Variants in STXBP4 observed in about 807,000 individuals in gnomAD.
The protein encoded by STXBP4 is syntaxin-binding protein 4.
A neutral mutation model predicts 76.1 loss-of-function variants in STXBP4; 55 were observed. The ratio of observed to expected loss-of-function variants is 0.72; its 90% CI spans 0.58 to 0.91. The LOEUF is 0.91. STXBP4 is among the 40% of genes least tolerant of loss of function. The pLI, the probability that STXBP4 is intolerant of heterozygous loss-of-function variation, is 0.00. For missense variants in STXBP4, 618 were observed against 636.9 expected (o/e 0.97, Z 0.32); for synonymous variants, 201 against 220.2 (o/e 0.91, Z 0.77).
intron 10 of STXBP4, among the ~76,000 whole-genome samples, chr17:55,034,947 T>C (rs933476346): frequency 4.6e-5 from 7 of 152,044 alleles, no homozygotes; most frequent in African/African-American, 1.7e-4. Context: ...TTTTGGTAGT[T>C]TTATCCTCTT....
chr17:55,102,896 CAT>C (rs1203492159), intron 16 of STXBP4, among the ~76,000 whole-genome samples: 2 of 152,132 alleles, frequency 1.3e-5, no homozygotes, highest in Admixed American at 6.5e-5. Context: ...AGCTTTTTTT[CAT>C]ATGTTTTTTG....
chr17:55,139,048 G>A (rs1333332577), intron 16 of STXBP4, among the ~76,000 whole-genome samples: 1 of 152,094 alleles, frequency 6.6e-6, no homozygotes, highest in Non-Finnish European at 1.5e-5. Context: ...TCTAAAATAA[G>A]TTATACATGT....
downstream of STXBP4, among the ~76,000 whole-genome samples, chr17:55,175,268 G>C: frequency 6.6e-6 from 1 of 152,200 alleles, no homozygotes; most frequent in Non-Finnish European, 1.5e-5. Context: ...GCTTGGAACA[G>C]TGTGATTTTT....
intron 12 of STXBP4, among the ~76,000 whole-genome samples, chr17:55,049,153 C>G (rs2078827812): frequency 6.6e-6 from 1 of 151,842 alleles, no homozygotes; most frequent in African/African-American, 2.4e-5. Flanking sequence ...TTTATATAGC[C>G]AACCTGACTT....
At chr17:55,043,541 G>C in intron 11 of STXBP4, 1 of 1,300,648 alleles carries the variant, frequency 7.7e-7, no homozygotes, top group South Asian at 1.3e-5. Flanking sequence ...GCAACATTTA[G>C]TGTGAACAAT....
intron 16 of STXBP4, among the ~76,000 whole-genome samples, chr17:55,089,765 CATA>C (rs927014524): frequency 1.3e-5 from 2 of 151,956 alleles, no homozygotes; most frequent in Admixed American, 6.6e-5. Flanking sequence ...TTTAGAAATG[CATA>C]ATAAGAAAAA....
chr17:55,184,897 G>C, the STXBP4 span, among the ~76,000 whole-genome samples: 1 of 152,092 alleles, frequency 6.6e-6, no homozygotes, highest in Admixed American at 6.5e-5. Context: ...TGTTGAGATG[G>C]GGTCTCGCTC....
At chr17:55,048,075 G>A (rs2078813503) in intron 12 of STXBP4, among the ~76,000 whole-genome samples, 1 of 151,844 alleles carries the variant, frequency 6.6e-6, no homozygotes, top group Admixed American at 6.6e-5. Context: ...TCAAGACTTG[G>A]TGGTTCTTAG....
chr17:55,038,508 C>T (rs2078642706), intron 10 of STXBP4, among the ~76,000 whole-genome samples: 1 of 152,086 alleles, frequency 6.6e-6, no homozygotes. Context: ...AGTATAAAGT[C>T]AGTCCTACTT....
chr17:55,126,227 A>G (rs372314320), intron 16 of STXBP4, among the ~76,000 whole-genome samples: 20 of 152,310 alleles, frequency 1.3e-4, no homozygotes, highest in African/African-American at 4.6e-4. Flanking sequence ...GGAAAATGTA[A>G]CTCATTCTCA....
intron 13 of STXBP4, among the ~76,000 whole-genome samples, chr17:55,076,993 T>C (rs553289145): frequency 6.6e-6 from 1 of 152,322 alleles, no homozygotes; most frequent in South Asian, 2.1e-4. Context: ...GTATTTTTTA[T>C]GTTATCTGGA....
At chr17:55,093,204 G>A (rs960434160) in intron 16 of STXBP4, among the ~76,000 whole-genome samples, 6 of 151,916 alleles carry the variant, frequency 3.9e-5, no homozygotes, top group African/African-American at 1.5e-4. Context: ...ACATTGGCCC[G>A]GCTGGTCTTG....
intron 17 of STXBP4, among the ~76,000 whole-genome samples, chr17:55,144,959 T>A (rs1443390564): frequency 6.6e-6 from 1 of 152,238 alleles, no homozygotes; most frequent in Non-Finnish European, 1.5e-5. Flanking sequence ...ATGAATGAGC[T>A]TGTGTATTTA....
chr17:55,075,904 A>G (rs551917073), intron 13 of STXBP4, among the ~76,000 whole-genome samples: 1 of 152,220 alleles, frequency 6.6e-6, no homozygotes, highest in South Asian at 2.1e-4. Context: ...TCTACCCATA[A>G]ATGTTATAAA....
intron 1 of STXBP4, among the ~76,000 whole-genome samples, chr17:54,978,353 T>C (rs2077500534): frequency 6.6e-6 from 1 of 152,206 alleles, no homozygotes. Context: ...ATATGTACTA[T>C]GTAATATGTA....
chr17:55,075,697 A>T (rs2079173714), intron 13 of STXBP4, among the ~76,000 whole-genome samples: 1 of 152,060 alleles, frequency 6.6e-6, no homozygotes. Flanking sequence ...TTTTAATTTT[A>T]TTAATCTGGT....
chr17:55,000,285 A>C (rs951115818), intron 6 of STXBP4: 6 of 984,798 alleles, frequency 6.1e-6, no homozygotes, highest in Non-Finnish European at 7.2e-6. Context: ...TCATGTGTGC[A>C]TGCTATAGTT....
chr17:55,097,177 A>AT (rs35679383), intron 16 of STXBP4, among the ~76,000 whole-genome samples: 120,025 of 152,086 alleles, frequency 0.79, 47,843 homozygotes, highest in East Asian at 0.9. Context: ...TAACTGCAGA[A>AT]TCTAATGAAA....
chr17:55,031,189 C>G lies in STXBP4; in HGVS notation c.688C>G (p.Gln230Glu), dbSNP rs1400359962. 6.2e-7 allele frequency: 1 copy of G among 1,612,940 alleles called. No homozygotes were observed. The highest frequency in any genetic ancestry group is 8.5e-7 in the Non-Finnish European group (1 of 1,179,302). ...CCAGGCTCTAAATTATCTTGGTATT[C>G]AGCCCACAAAGGAACAACACCAAGC... The part of the protein sequence containing the change: ...LEMALNYLGI[Q>E]PTKEQHQALR... The change falls in exon 9 of 18, where the codon CAG (glutamine) becomes GAG (glutamate). Residue 230 changes from glutamine (Q) to glutamate (E), a missense_variant. Gln to Glu is a conservative substitution (Grantham distance 29). Transcript: ENST00000376352.
Sources: gnomAD v4.1 joint callset for allele counts (sites outside exome capture counted in the v4.1 genomes callset) on GRCh38, gnomAD v4.1.1 for gene constraint, MANE v1.5 for transcripts, NCBI Gene and HGNC (gene_info 2026-07-23, HGNC 2026-07-21) for gene names.